NKPD1: variants seen among roughly 807,000 people sequenced by gnomAD.
NKPD1 encodes NTPase KAP family P-loop domain-containing protein 1.
A neutral mutation model predicts 42.2 loss-of-function variants in NKPD1; 37 were observed. The observed-to-expected ratio is 0.88, with a 90% CI of 0.67 to 1.15. The LOEUF (loss-of-function observed/expected upper bound fraction) is 1.15, where lower values mean the gene tolerates loss of function less well. Ranked by LOEUF, NKPD1 falls within the 50% of genes most tolerant of loss-of-function variation. The pLI, the probability that NKPD1 is intolerant of heterozygous loss-of-function variation, is 0.00. For missense variants in NKPD1, 1,113 were observed against 1,174.6 expected (o/e 0.95, Z 0.77); for synonymous variants, 552 against 536.5 (o/e 1.03, Z -0.40).
rs1249092995 is a variant in NKPD1 at position 45,152,490 on chromosome 19, C to T, written c.1947G>A (p.Thr649=). Residue 649 remains threonine, a synonymous_variant, in exon 5 of 5, where the codon ACG becomes ACA. Transcript: ENST00000686631. The stretch of plus-strand genomic sequence containing the variant: ...CCACCCACGCCACCGCCTGGCGCGG[C>T]GTGGGGCCCCCAAAGTCCCCCTGCT... ...QQQQGDFGGP[T]PRQAVAWVVL... The T allele has an allele frequency of 1.9e-6, 3 of 1,556,114 alleles. No homozygotes were observed. Among genetic ancestry groups the T allele is most frequent in the Non-Finnish European group, 2.6e-6 (3 of 1,159,336 alleles).
Position 45,152,640 on chromosome 19 carries a change from C to T in NKPD1, c.1797G>A (p.Glu599=). The T allele has an allele frequency of 6.4e-7, 1 of 1,561,368 alleles. No homozygotes were observed. The highest frequency in any genetic ancestry group is 8.6e-7 in the Non-Finnish European group (1 of 1,163,506). ...IDDEAARRIQ[E]ALFCLHDERD... ...GCTCGTCGTGAAGGCAGAAGAGCGC[C>T]TCCTGGATTCGCCGCGCCGCCTCGT... Residue 599 remains glutamate, a synonymous_variant, in exon 5 of 5, where the codon GAG becomes GAA. Transcript: ENST00000686631.
chr19:45,160,304 T>C (rs1468026463), intron 1 of NKPD1, among the ~76,000 whole-genome samples, 83 bp from the exon 2 acceptor site: 1 of 152,164 alleles, frequency 6.6e-6, no homozygotes, highest in Non-Finnish European at 1.5e-5. Context: ...AAGTCCCAGA[T>C]GCTGGGTTCC....
chr19:45,153,564 C>G lies in NKPD1; in HGVS notation c.873G>C (p.Lys291Asn). The G allele has an allele frequency of 6.4e-7, 1 of 1,554,880 alleles. No individual in the cohort carries two copies. Among genetic ancestry groups the G allele is most frequent in the Non-Finnish European group, 8.7e-7 (1 of 1,146,766 alleles). The change falls in exon 5 of 5, where the codon AAG becomes AAC. Residue 291 changes from lysine (K) to asparagine (N), a missense_variant. By Grantham distance (94) the Lys-to-Asn change is moderately conservative. Transcript: ENST00000686631. ...ACGTGGTCACCAGGCCGGCCCACAG[C>G]TTGTCGGTGCCCGCGTACTGCCAGG... ...FSAWQYAGTD[K>N]LWAGLVTTLC... is the part of the protein sequence containing the mutation.
At chr19:45,156,280 C>T (rs1201258263) in intron 3 of NKPD1, among the ~76,000 whole-genome samples, 1 of 152,214 alleles carries the variant, frequency 6.6e-6, no homozygotes, top group African/African-American at 2.4e-5. Context: ...ACGAGGCCCT[C>T]AGATGCCAAG....
rs1251420447 is a variant in NKPD1 at position 45,160,054 on chromosome 19, C to T, written c.91+6G>A. The T allele has an allele frequency of 7.7e-7, 1 of 1,302,058 alleles. No homozygotes were observed. Among genetic ancestry groups the T allele is most frequent in the Non-Finnish European group, 1.0e-6 (1 of 986,690 alleles). The allele number at this position is 1,302,058 out of a possible 1,614,324, so 80.7% of individuals were successfully genotyped here. On this transcript the variant is annotated splice_donor_region_variant and intron_variant, in intron 2 of 4. Transcript: ENST00000686631. ...GCCATCACCCGCCCCCAAACTGAAC[C>T]CGTACCTTTTCGGTGCCCCAACTCT... is the stretch of plus-strand genomic sequence containing the variant.
Position 45,152,062 on chromosome 19 carries a change from G to A in NKPD1, c.2375C>T (p.Ser792Leu), listed in dbSNP as rs751992066. ...GCCGGCTTGCCCTGAGGCACGGCCC[G>A]ACGGGGGCGCCCTGGAGGCGCTGTT... Reference protein sequence around the residue: ...RANSASRAPPSGRASGQAGEG... With the variant: ...RANSASRAPPLGRASGQAGEG... Residue 792 changes from serine to leucine, a missense_variant, in exon 5 of 5, where the codon TCG becomes TTG. Ser to Leu is a moderately radical substitution (Grantham distance 145). Coordinates refer to ENST00000686631, the MANE Select transcript of NKPD1 (RefSeq NM_198478.4). 4 of 1,608,028 alleles carry A rather than the reference G, an allele frequency of 2.5e-6. No homozygotes were observed. The highest frequency in any genetic ancestry group is 4.5e-5 in the East Asian group (2 of 44,782).
At chr19:45,161,707 C>T (rs1357013947), upstream of NKPD1, among the ~76,000 whole-genome samples, 1 of 152,232 alleles carries the variant, frequency 6.6e-6, no homozygotes, top group Non-Finnish European at 1.5e-5. Flanking sequence ...ACTGCCTCCC[C>T]ACAGATGCCC....
At chr19:45,160,610 G>A (rs773930167) in intron 1 of NKPD1, among the ~76,000 whole-genome samples, 3 of 152,022 alleles carry the variant, frequency 2.0e-5, no homozygotes, top group African/African-American at 7.3e-5. Context: ...GAGCTAGTGA[G>A]GTGAGCTGGA....
chr19:45,159,141 G>T, intron 2 of NKPD1, 41 bp from the exon 3 acceptor site: 1 of 1,246,482 alleles, frequency 8.0e-7, no homozygotes, highest in Non-Finnish European at 1.0e-6. Flanking sequence ...CTGTGTCCCC[G>T]ACCCCCGGGG....
intron 2 of NKPD1, 116 bp downstream of exon 2, chr19:45,159,944 G>A (rs1968975824): frequency 2.2e-6 from 1 of 455,320 alleles, no homozygotes; most frequent in Non-Finnish European, 3.9e-6. Context: ...CCTCTGGGTG[G>A]AGTGCAAGTG....
chr19:45,152,514 C>T lies in NKPD1; in HGVS notation c.1923G>A (p.Gln641=). ...ITVRLLQQQQ[Q]QGDFGGPTPR... Reference sequence around the variant, plus strand: ...GCGTGGGGCCCCCAAAGTCCCCCTGCTGCTGCTGCTGCTGCAGCAGGCGCA... The same window carrying T: ...GCGTGGGGCCCCCAAAGTCCCCCTGTTGCTGCTGCTGCTGCAGCAGGCGCA... Residue 641 remains glutamine (Q), a synonymous_variant, in exon 5 of 5, where the codon CAG becomes CAA. Coordinates refer to ENST00000686631, the MANE Select transcript of NKPD1 (RefSeq NM_198478.4). 1 of 1,568,694 alleles carries T rather than the reference C, an allele frequency of 6.4e-7. No homozygotes were observed. Among genetic ancestry groups the T allele is most frequent in the East Asian group, 2.4e-5 (1 of 42,510 alleles).
At chr19:45,162,006 C>G (rs898214264), upstream of NKPD1, among the ~76,000 whole-genome samples, 3 of 152,134 alleles carry the variant, frequency 2.0e-5, no homozygotes, top group African/African-American at 7.2e-5. Context: ...CTCCCCCACC[C>G]TTCAAGCCGG....
At position 45,151,690 on chromosome 19, in the gene NKPD1, C is replaced by T. The variant is rs1968780150; in HGVS notation, c.*248G>A. On this transcript the variant is annotated 3_prime_UTR_variant, in exon 5 of 5. Transcript: ENST00000686631. ...GCGGAGAGCAACTCCGGGCTCTCAACACCTCCATTTATTGCATGTATACCC... is the reference window on the plus strand; with the variant it reads ...GCGGAGAGCAACTCCGGGCTCTCAATACCTCCATTTATTGCATGTATACCC... The T allele has an allele frequency of 2.2e-6, 1 of 460,468 alleles. No homozygotes were observed. Among genetic ancestry groups the T allele is most frequent in the Non-Finnish European group, 3.8e-6 (1 of 263,006 alleles). 28.5% of individuals were successfully genotyped at this position (460,468 alleles called of 1,614,324 possible). A position where few individuals can be genotyped will look rare whatever the true frequency, so the allele number is the denominator to read the frequency against.
In NKPD1 at chr19:45,158,777, T is replaced by C; in HGVS notation, c.415A>G (p.Ser139Gly). The C allele has an allele frequency of 3.2e-6, 4 of 1,244,382 alleles. No individual in the cohort carries two copies. The South Asian group carries it at 5.6e-5, about 17-fold the overall frequency. 77.1% of individuals were successfully genotyped at this position (1,244,382 alleles called of 1,614,324 possible). A position where few individuals can be genotyped will look rare whatever the true frequency, so the allele number is the denominator to read the frequency against. ...LPTTAPAMAR[S>G]GPALPSAAGV... is the part of the protein sequence containing the mutation. ...GCCGCGGAGGGTAGAGCTGGGCCAC[T>C]CCTGGCCATGGCTGGTGCCGTGGTG... Residue 139 changes from serine to glycine, a missense_variant, in exon 3 of 5, where the codon AGT becomes GGT. Physicochemically the swap from Ser to Gly is moderately conservative, Grantham distance 56. This residue lies in a region of NKPD1 where 204 missense variants were observed against 227.8 expected (regional missense o/e 0.90). Transcript: ENST00000686631. This position sits in a 1 kb window ranked among gnomAD's most constrained non-coding sequence, Gnocchi z 4.6.
chr19:45,157,915 G>A (rs1331006090), intron 3 of NKPD1, among the ~76,000 whole-genome samples: 1 of 151,804 alleles, frequency 6.6e-6, no homozygotes, highest in Non-Finnish European at 1.5e-5. Context: ...AGTAGAGATA[G>A]GGTTGTACCA....
Position 45,152,478 on chromosome 19 carries a change from C to T in NKPD1, c.1959G>A (p.Ala653=), listed in dbSNP as rs1417933843. The part of the protein sequence containing the change: ...GDFGGPTPRQ[A]VAWVVLANQW... ...GGTTGGCGAGCACCACCCACGCCAC[C>T]GCCTGGCGCGGCGTGGGGCCCCCAA... The change falls in exon 5 of 5, where the codon GCG becomes GCA. Residue 653 remains alanine (A), a synonymous_variant. Transcript: ENST00000686631. The T allele has an allele frequency of 6.4e-7, 1 of 1,551,780 alleles. No homozygotes were observed. Among genetic ancestry groups the T allele is most frequent in the East Asian group, 2.4e-5 (1 of 41,044 alleles).
chr19:45,159,256 T>C (rs1437736512), intron 2 of NKPD1, among the ~76,000 whole-genome samples, 156 bp from the exon 3 acceptor site: 2 of 151,256 alleles, frequency 1.3e-5, no homozygotes, highest in Non-Finnish European at 2.9e-5. Context: ...GCGGGGGAGG[T>C]ATGGGCAGGG....
intron 1 of NKPD1, among the ~76,000 whole-genome samples, 115 bp downstream of exon 1, chr19:45,160,810 G>A (rs898200218): frequency 1.3e-5 from 2 of 152,122 alleles, no homozygotes; most frequent in Non-Finnish European, 2.9e-5. Context: ...GGACAGGGAA[G>A]GATGCTGTGT....
chr19:45,151,723 C>T lies in NKPD1; in HGVS notation c.*215G>A. The T allele has an allele frequency of 3.9e-6, 2 of 507,290 alleles. No homozygotes were observed. The highest frequency in any genetic ancestry group is 6.8e-6 in the Non-Finnish European group (2 of 292,216). The allele number at this position is 507,290 out of a possible 1,614,324, so 31.4% of individuals were successfully genotyped here. ...TTTATTGCATGTATACCCTGACTTC[C>T]TCACTGGTCCTTCTGTGCCTGCTCT... On this transcript the variant is annotated 3_prime_UTR_variant, in exon 5 of 5. Transcript: ENST00000686631.
Sources: gnomAD v4.1 joint callset for allele counts (sites outside exome capture counted in the v4.1 genomes callset) on GRCh38, gnomAD v4.1.1 for gene constraint, gnomAD v4.1.1 regional missense constraint, Gnocchi (gnomAD v3.1) non-coding constraint, MANE v1.5 for transcripts, NCBI Gene and HGNC (gene_info 2026-07-23, HGNC 2026-07-21) for gene names.